The following AMZ2 variants were observed in gnomAD, a reference collection of about 807,000 sequenced individuals.
The protein encoded by AMZ2 is archaelysin family metallopeptidase 2.
A neutral mutation model predicts 36.7 loss-of-function variants in AMZ2; 26 were observed. The observed-to-expected ratio is 0.71, with a 90% confidence interval of 0.52 to 0.98. The LOEUF (loss-of-function observed/expected upper bound fraction) is 0.98, where lower values mean the gene tolerates loss of function less well. Ranked by LOEUF, AMZ2 falls within the 50% of genes least tolerant of loss-of-function variation. The probability of loss-of-function intolerance (pLI) is 0.00; values close to 1 mark genes in which losing one functional copy is unlikely to be tolerated. For missense variants in AMZ2, 394 were observed against 430.5 expected (o/e 0.92, Z 0.75); for synonymous variants, 144 against 149.1 (o/e 0.97, Z 0.25).
In AMZ2 at chr17:68,210,957, A is replaced by AGG. The variant is rs71142141; in HGVS notation, c.-67+4729_-67+4730dup. ...GAGTGAGACCCTGTCTCAAAAAAAAAGGGGGGGGGGGAGGTGGTTAGAGTG... is the reference window on the plus strand; with the variant it reads ...GAGTGAGACCCTGTCTCAAAAAAAAAGGGGGGGGGGGGGAGGTGGTTAGAGTG... On this transcript the variant is annotated intron_variant, in intron 1 of 7. Transcript: ENST00000674770. 2.2e-3 allele frequency among the ~76,000 whole-genome samples: 262 copies of AGG among 117,822 alleles called. 6 individuals carry two copies. Among genetic ancestry groups the AGG allele is most frequent in the African/African-American group, 8.0e-3 (238 of 29,802 alleles). The allele number at this position is 117,822 out of a possible 152,430, so 77.3% of individuals were successfully genotyped here.
chr17:68,219,905 G>A (rs781987993), intron 1 of AMZ2, among the ~76,000 whole-genome samples: 5 of 152,070 alleles, frequency 3.3e-5, no homozygotes, highest in Non-Finnish European at 5.9e-5. Context: ...CTGTGAACTC[G>A]ACATTGCTAC....
chr17:68,225,700 C>G (rs559753501), intron 1 of AMZ2, among the ~76,000 whole-genome samples: 40 of 151,986 alleles, frequency 2.6e-4, no homozygotes, highest in African/African-American at 9.2e-4. Flanking sequence ...GTGGTGTAAT[C>G]TCGGCTCACC....
chr17:68,242,472 C>T (rs1555734256), intron 1 of AMZ2, among the ~76,000 whole-genome samples: 2 of 151,980 alleles, frequency 1.3e-5, no homozygotes, highest in Non-Finnish European at 1.5e-5. Context: ...AGGGCAGTGG[C>T]GCGATCTCGG....
exon 1 of AMZ2, chr17:68,206,151 T>C: frequency 9.2e-6 from 12 of 1,306,154 alleles, no homozygotes; most frequent in Non-Finnish European, 1.1e-5. Flanking sequence ...TGATTCCGAT[T>C]ATCTGGAGGA....
At position 68,257,022 on chromosome 17, in the gene AMZ2, TC is replaced by T; in HGVS notation, c.*54del. On this transcript the variant is annotated 3_prime_UTR_variant, in exon 7 of 7. Coordinates refer to ENST00000359904, the MANE Select transcript of AMZ2 (RefSeq NM_016627.5). ...AAATAACTACTTGCATGTTATGCTT[TC>T]ATTTGGGTGGAATACTTCATTGGAA... 6.4e-7 allele frequency: 1 copy of T among 1,570,760 alleles called. No individual in the cohort carries two copies. Among genetic ancestry groups the T allele is most frequent in the Non-Finnish European group, 8.7e-7 (1 of 1,151,942 alleles).
At chr17:68,231,432 AC>A (rs1247704652) in intron 1 of AMZ2, among the ~76,000 whole-genome samples, 2 of 37,338 alleles carry the variant, frequency 5.4e-5, no homozygotes, top group Non-Finnish European at 9.1e-5. Context: ...GTTGGAATGA[AC>A]AAAACTAGCC....
chr17:68,210,167 G>A (rs184659785), intron 1 of AMZ2, among the ~76,000 whole-genome samples: 2 of 152,182 alleles, frequency 1.3e-5, no homozygotes, highest in Admixed American at 1.3e-4. Context: ...TATATGACCC[G>A]GTAATTCTAT....
intron 1 of AMZ2, chr17:68,207,265 A>T (rs1304916124): frequency 7.3e-5 from 11 of 150,930 alleles, no homozygotes; most frequent in East Asian, 1.9e-4. Flanking sequence ...TTCTGTTTTC[A>T]CACAGAAAAG....
chr17:68,251,558 G>A (rs563625916), intron 4 of AMZ2, among the ~76,000 whole-genome samples: 1 of 152,246 alleles, frequency 6.6e-6, no homozygotes, highest in South Asian at 2.1e-4. Context: ...TCCTAGCTAC[G>A]CAGGAGGCTG....
chr17:68,231,723 A>G (rs1436887786), intron 1 of AMZ2, among the ~76,000 whole-genome samples: 5 of 151,954 alleles, frequency 3.3e-5, no homozygotes, highest in Non-Finnish European at 7.4e-5. Flanking sequence ...GAAACTGTGG[A>G]TAGGTTACAT....
chr17:68,233,131 A>C (rs1379511945), intron 1 of AMZ2, among the ~76,000 whole-genome samples: 3 of 152,232 alleles, frequency 2.0e-5, no homozygotes, highest in Non-Finnish European at 4.4e-5. Flanking sequence ...TGGCTGGGAC[A>C]AAGAGGATGC....
chr17:68,209,272 C>A (rs1362946896), intron 1 of AMZ2, among the ~76,000 whole-genome samples: 1 of 151,394 alleles, frequency 6.6e-6, no homozygotes, highest in Non-Finnish European at 1.5e-5. Context: ...TGGCTCACTG[C>A]AACCTCCACC....
chr17:68,241,313 C>T lies in AMZ2; in HGVS notation c.-66-7327C>T, dbSNP rs781806318. 4.6e-5 allele frequency among the ~76,000 whole-genome samples: 7 copies of T among 152,172 alleles called. No homozygotes were observed. In the South Asian group the frequency reaches 6.2e-4, roughly 14 times the overall value. On this transcript the variant is annotated intron_variant, in intron 1 of 7. Coordinates refer to the AMZ2 transcript ENST00000674770. ...CAAAAATAAAGAGGTTCTACAAGAA[C>T]GAAAGCATGGTCATGTACACTACTT...
chr17:68,248,639 G>C lies in AMZ2; in HGVS notation c.-67G>C, dbSNP rs1555737285. On this transcript the variant is annotated 5_prime_UTR_variant, in exon 1 of 7. Coordinates refer to ENST00000359904, the MANE Select transcript of AMZ2 (RefSeq NM_016627.5). ...AGTCACACTCCACAACTTTCTTCCA[G>C]CCAGGCCCAGACATGTCCGTCCTTG... 4 of 985,870 alleles carry C rather than the reference G, an allele frequency of 4.1e-6. No homozygotes were observed. The highest frequency in any genetic ancestry group is 1.1e-4 in the East Asian group (1 of 8,836). The allele number at this position is 985,870 out of a possible 1,614,324, so 61.1% of individuals were successfully genotyped here.
At chr17:68,223,095 A>G (rs1201349268) in intron 1 of AMZ2, among the ~76,000 whole-genome samples, 3 of 152,114 alleles carry the variant, frequency 2.0e-5, no homozygotes, top group Non-Finnish European at 4.4e-5. Flanking sequence ...AGAGACAGAG[A>G]AATAAAGCAA....
At chr17:68,212,097 G>A (rs782474770) in intron 1 of AMZ2, among the ~76,000 whole-genome samples, 2 of 152,064 alleles carry the variant, frequency 1.3e-5, no homozygotes, top group Non-Finnish European at 2.9e-5. Context: ...TTGGCCAGGT[G>A]TGGTGACCCA....
At chr17:68,232,996 A>G (rs2073701605) in intron 1 of AMZ2, among the ~76,000 whole-genome samples, 1 of 152,224 alleles carries the variant, frequency 6.6e-6, no homozygotes, top group South Asian at 2.1e-4. Flanking sequence ...GGTGGATTAC[A>G]CAACAAGCAT....
rs2074126411 is a variant in AMZ2 at position 68,248,068 on chromosome 17, C to T, written c.-638C>T. On this transcript the variant is annotated 5_prime_UTR_variant, in exon 1 of 7. Coordinates refer to ENST00000359904, the MANE Select transcript of AMZ2 (RefSeq NM_016627.5). Reference sequence around the variant, plus strand: ...AGTGCGAAGGGACGCGGTGCGCATGCGCGTGAGGGCTGCCGCGGGTGGGTG... The same window carrying T: ...AGTGCGAAGGGACGCGGTGCGCATGTGCGTGAGGGCTGCCGCGGGTGGGTG... 3.0e-6 allele frequency: 3 copies of T among 986,068 alleles called. No individual in the cohort carries two copies. Among genetic ancestry groups the T allele is most frequent in the Non-Finnish European group, 3.6e-6 (3 of 830,398 alleles). 61.1% of individuals were successfully genotyped at this position (986,068 alleles called of 1,614,324 possible).
chr17:68,241,020 T>C (rs1477521220), intron 1 of AMZ2, among the ~76,000 whole-genome samples: 1 of 152,136 alleles, frequency 6.6e-6, no homozygotes, highest in African/African-American at 2.4e-5. Flanking sequence ...AGACACAGAA[T>C]TTAATAATTT....
Sources: allele counts gnomAD v4.1 joint callset (sites outside exome capture counted in the v4.1 genomes callset), GRCh38; gene constraint gnomAD v4.1.1; transcripts MANE v1.5; gene names NCBI Gene and HGNC (gene_info 2026-07-23, HGNC 2026-07-21).